MUC3A: variants seen among roughly 807,000 people sequenced by gnomAD.
MUC3A encodes the protein mucin 3A, cell surface associated, also known as mucin-3A.
In MUC3A, 109 loss-of-function variants were observed where a neutral mutation model predicts 109.0. That is an observed-to-expected ratio of 1.00 (90% CI 0.86 to 1.17). MUC3A has a LOEUF of 1.17. Ranked by LOEUF, MUC3A falls within the 50% of genes most tolerant of loss-of-function variation. The pLI is 0.00. For missense variants in MUC3A, 3,537 were observed against 2,469.4 expected, an observed-to-expected ratio of 1.43 and a Z score of -9.16; for synonymous variants, 1,398 against 981.4, an observed-to-expected ratio of 1.42 and a Z score of -7.93.
At chr7:100,962,675 T>C (rs1792368648) in intron 3 of MUC3A, among the ~76,000 whole-genome samples, 1 of 145,272 alleles carries the variant, frequency 6.9e-6, no homozygotes, top group Non-Finnish European at 1.5e-5. Flanking sequence ...CTTTTCTTTT[T>C]TTCTTTCTCT....
rs146817925 is a variant in MUC3A at position 100,966,923 on chromosome 7, C to G, written c.9902C>G (p.Ala3301Gly). 1 of 1,598,326 alleles carries G rather than the reference C, an allele frequency of 6.3e-7. No individual in the cohort carries two copies. Among genetic ancestry groups the G allele is most frequent in the African/African-American group, 1.3e-5 (1 of 74,880 alleles). The change falls in exon 11 of 12, where the codon GCC (alanine) becomes GGC (glycine). Residue 3301 changes from alanine (A) to glycine (G), a missense_variant. Transcript: ENST00000379458. ...GTDKDTNFYV[A>G]LENVDTTMKV... is the part of the protein sequence containing the mutation. ...GACAAGGATACAAATTTCTATGTGG[C>G]CTTGGAGAACGTGGACACCACTATG...
Position 100,955,436 on chromosome 7 carries a change from C to A in MUC3A, c.3657C>A (p.Asp1219Glu). The A allele has an allele frequency of 3.4e-6, 2 of 590,550 alleles. No homozygotes were observed. Among genetic ancestry groups the A allele is most frequent in the Non-Finnish European group, 3.0e-6 (1 of 335,022 alleles). The allele number at this position is 590,550 out of a possible 1,614,324, so 36.6% of individuals were successfully genotyped here. ...GSTGFLTTAT[D>E]LTSTFTVSSS... ...CCGGTTTCCTGACTACAGCAACAGACCTCACATCAACATTCACTGTTTCCA... is the reference window on the plus strand; with the variant it reads ...CCGGTTTCCTGACTACAGCAACAGAACTCACATCAACATTCACTGTTTCCA... The change falls in exon 2 of 12, where the codon GAC (aspartate) becomes GAA (glutamate). Residue 1219 changes from aspartate to glutamate, a missense_variant. Coordinates refer to ENST00000379458, the MANE Select transcript of MUC3A (RefSeq NM_005960.2).
In MUC3A at chr7:100,954,078, A is replaced by G. The variant is rs1042426366; in HGVS notation, c.2299A>G (p.Thr767Ala). Residue 767 changes from threonine (T) to alanine (A), a missense_variant, in exon 2 of 12, where the codon ACC becomes GCC. Transcript: ENST00000379458. ...TPTTNLVTTT[T>A]KTTSHSTTSF... ...TACCACAAACTTGGTAACCACCACC[A>G]CCAAGACCACCTCACATAGTACCAC... is the stretch of plus-strand genomic sequence containing the variant. 10 of 552,412 alleles carry G rather than the reference A, an allele frequency of 1.8e-5. No homozygotes were observed. The highest frequency in any genetic ancestry group is 2.7e-4 in the Middle Eastern group (1 of 3,648). 34.2% of individuals were successfully genotyped at this position (552,412 alleles called of 1,614,324 possible).
In MUC3A at chr7:100,953,804, C is replaced by G; in HGVS notation, c.2025C>G (p.Ser675Arg). Residue 675 changes from serine (S) to arginine (R), a missense_variant, in exon 2 of 12, where the codon AGC becomes AGG. Ser to Arg is a moderately radical substitution (Grantham distance 110, BLOSUM62 -1). Coordinates refer to ENST00000379458, the MANE Select transcript of MUC3A (RefSeq NM_005960.2). The stretch of plus-strand genomic sequence containing the variant: ...CTCTGTCTTCTACACCTGTCCCAAG[C>G]ACAGAAGTAGTCACCAGTGGCACCA... ...SMPLSSTPVP[S>R]TEVVTSGTIN... is the part of the protein sequence containing the mutation. The G allele has an allele frequency of 2.3e-6, 1 of 438,496 alleles. No homozygotes were observed. Among genetic ancestry groups the G allele is most frequent in the Admixed American group, 4.2e-5 (1 of 23,916 alleles). 27.2% of individuals were successfully genotyped at this position (438,496 alleles called of 1,614,324 possible). A position where few individuals can be genotyped will look rare whatever the true frequency, so the allele number is the denominator to read the frequency against.
Position 100,957,383 on chromosome 7 carries a change from TGTGA to T in MUC3A, c.5605_5608del (p.Val1869ProfsTer14). 3 of 653,810 alleles carry T rather than the reference TGTGA, an allele frequency of 4.6e-6. No homozygotes were observed. The highest frequency in any genetic ancestry group is 7.5e-6 in the Non-Finnish European group (3 of 399,152). The allele number at this position is 653,810 out of a possible 1,614,324, so 40.5% of individuals were successfully genotyped here. ...CCAATATGACAGGTACATTGTCCAC[TGTGA>T]CCTCTCTTCGACCCACCTCTTCCTC... On this transcript the variant is annotated frameshift_variant, in exon 2 of 12. Coordinates refer to ENST00000379458, the MANE Select transcript of MUC3A (RefSeq NM_005960.2). LOFTEE classifies it high-confidence loss of function.
chr7:100,966,466 T>C lies in MUC3A; in HGVS notation c.9692T>C (p.Leu3231Pro). The change falls in exon 9 of 12, where the codon CTG becomes CCG. Residue 3231 changes from leucine (L) to proline (P), a missense_variant. Physicochemically the swap from Leu to Pro is moderately conservative, Grantham distance 98. Coordinates refer to ENST00000379458, the MANE Select transcript of MUC3A (RefSeq NM_005960.2). ...CACTGGAGGGCGCTGGTCGGGGGCC[T>C]GACGGCCGGCGCCGCGCTGCTGGTG... Reference protein sequence around the residue: ...AVHWRALVGGLTAGAALLVLL... With the variant: ...AVHWRALVGGPTAGAALLVLL... The C allele has an allele frequency of 7.5e-7, 1 of 1,337,462 alleles. No individual in the cohort carries two copies. Among genetic ancestry groups the C allele is most frequent in the South Asian group, 2.6e-5 (1 of 38,488 alleles). 82.8% of individuals were successfully genotyped at this position (1,337,462 alleles called of 1,614,324 possible). A position where few individuals can be genotyped will look rare whatever the true frequency, so the allele number is the denominator to read the frequency against.
In MUC3A at chr7:100,956,209, C is replaced by G; in HGVS notation, c.4430C>G (p.Thr1477Ser). Residue 1477 changes from threonine to serine, a missense_variant, in exon 2 of 12, where the codon ACT (threonine) becomes AGT (serine). By Grantham distance (58) the Thr-to-Ser change is moderately conservative (BLOSUM62 1). Transcript: ENST00000379458. ...ACAAGCACTGTCACAGAGTCCACAA[C>G]TGAAATCACCTATCCCACCACTATG... ...SPTSTVTESTTEITYPTTMTE... is the reference protein window; with the variant it reads ...SPTSTVTESTSEITYPTTMTE... 2.2e-6 allele frequency: 1 copy of G among 461,778 alleles called. No homozygotes were observed. The highest frequency in any genetic ancestry group is 4.0e-5 in the Admixed American group (1 of 24,910). The allele number at this position is 461,778 out of a possible 1,614,324, so 28.6% of individuals were successfully genotyped here. A position where few individuals can be genotyped will look rare whatever the true frequency, so the allele number is the denominator to read the frequency against.
At chr7:100,964,500 C>T in intron 5 of MUC3A, 195 bp from the exon 6 acceptor site, 1 of 844,558 alleles carries the variant, frequency 1.2e-6, no homozygotes, top group Non-Finnish European at 1.7e-6. Flanking sequence ...GTCAGTCATT[C>T]CTTGTCCTGC....
Position 100,966,709 on chromosome 7 carries a change from T to C in MUC3A, c.9843T>C (p.Thr3281=). The part of the protein sequence containing the change: ...FETWDEEVVG[T]FSNWGFEDDG... Reference sequence around the variant, plus strand: ...CCTGGGATGAGGAAGTCGTGGGCACTTTTTCAAACTGGGGTTTCGAGGACG... The same window carrying C: ...CCTGGGATGAGGAAGTCGTGGGCACCTTTTCAAACTGGGGTTTCGAGGACG... The change falls in exon 10 of 12, where the codon ACT becomes ACC. Residue 3281 remains threonine (T), a synonymous_variant. Coordinates refer to ENST00000379458, the MANE Select transcript of MUC3A (RefSeq NM_005960.2). The C allele has an allele frequency of 3.8e-6, 6 of 1,598,552 alleles. No individual in the cohort carries two copies. Among genetic ancestry groups the C allele is most frequent in the Non-Finnish European group, 5.1e-6 (6 of 1,179,832 alleles).
rs771452355 is a variant in MUC3A at position 100,951,965 on chromosome 7, G to A, written c.186G>A (p.Gln62=). The change falls in exon 2 of 12, where the codon CAG becomes CAA. Residue 62 remains glutamine, a synonymous_variant. Transcript: ENST00000379458. ...DLAGWPLGVP[Q]LASPAPGHRE... ...CTGGGTGGCCACTTGGTGTCCCCCA[G>A]CTCGCCTCTCCTGCTCCTGGCCACA... 5.0e-6 allele frequency: 8 copies of A among 1,598,530 alleles called. No homozygotes were observed. The highest frequency in any genetic ancestry group is 6.8e-6 in the Non-Finnish European group (8 of 1,179,804).
At chr7:100,951,236 T>C (rs1350656123) in intron 1 of MUC3A, among the ~76,000 whole-genome samples, 1 of 152,280 alleles carries the variant, frequency 6.6e-6, no homozygotes, top group East Asian at 1.9e-4. Context: ...CCTCAAGTGA[T>C]CTCCTGCCTT....
chr7:100,962,805 CTCTCTCTCTT>C (rs758358240), intron 3 of MUC3A, among the ~76,000 whole-genome samples: 1 of 20,962 alleles, frequency 4.8e-5, no homozygotes, highest in Non-Finnish European at 1.0e-4. Flanking sequence ...CTTTCTCTCT[CTCTCTCTCTT>C]TCTTTCTTTC....
chr7:100,965,236 C>A, intron 6 of MUC3A, 46 bp from the exon 7 acceptor site: 2 of 2,242 alleles, frequency 8.9e-4, no homozygotes, highest in Non-Finnish European at 1.5e-3. Flanking sequence ...TGACCTTAAC[C>A]CCTTGATCTG....
Position 100,967,794 on chromosome 7 carries a change from C to T in MUC3A, c.*632C>T, listed in dbSNP as rs1197379672. ...CCCAGCCCTAAATCCTCCCTCCTCT[C>T]CTCACATCCTGGTCCCTAGCAAGGT... On this transcript the variant is annotated 3_prime_UTR_variant, in exon 12 of 12. Transcript: ENST00000379458. 6.0e-6 allele frequency: 1 copy of T among 165,624 alleles called. No individual in the cohort carries two copies. The highest frequency in any genetic ancestry group is 1.8e-4 in the East Asian group (1 of 5,656). The allele number at this position is 165,624 out of a possible 1,614,324, so 10.3% of individuals were successfully genotyped here. A position where few individuals can be genotyped will look rare whatever the true frequency, so the allele number is the denominator to read the frequency against.
rs983713551 is a variant in MUC3A, at chr7:100,952,354, C to A, written c.575C>A (p.Thr192Asn). Residue 192 changes from threonine (T) to asparagine (N), a missense_variant, in exon 2 of 12, where the codon ACC (threonine) becomes AAC (asparagine). Transcript: ENST00000379458. ...TCAGCCATGACATCTTCTCCCTCTA[C>A]CACCACTGCAAGGGAAACTCCCATA... The part of the protein sequence containing the change: ...GTSAMTSSPS[T>N]TTARETPIVT... 1 of 1,598,524 alleles carries A rather than the reference C, an allele frequency of 6.3e-7. No individual in the cohort carries two copies. Among genetic ancestry groups the A allele is most frequent in the African/African-American group, 1.3e-5 (1 of 75,076 alleles).
At position 100,955,182 on chromosome 7, in the gene MUC3A, C is replaced by A; in HGVS notation, c.3403C>A (p.Pro1135Thr). Residue 1135 changes from proline to threonine, a missense_variant, in exon 2 of 12, where the codon CCT (proline) becomes ACT (threonine). Transcript: ENST00000379458. ...AACCACAGAAACAGCCACGATGACT[C>A]CTACCACAACCTTGATAACCACCAC... ...LPTTETATMT[P>T]TTTLITTTPN... The A allele has an allele frequency of 1.7e-6, 1 of 585,954 alleles. No individual in the cohort carries two copies. Among genetic ancestry groups the A allele is most frequent in the African/African-American group, 3.3e-5 (1 of 30,210 alleles). 36.3% of individuals were successfully genotyped at this position (585,954 alleles called of 1,614,324 possible).
At chr7:100,964,933 A>C in intron 6 of MUC3A, 90 bp downstream of exon 6, 1 of 1,485,626 alleles carries the variant, frequency 6.7e-7, no homozygotes, top group Non-Finnish European at 8.9e-7. Flanking sequence ...CTCAGGTGCC[A>C]GCCCTGTGGT....
rs1563074634 is a variant in MUC3A, at chr7:100,964,686, A to G, written c.9234-9A>G. 2 of 1,597,496 alleles carry G rather than the reference A, an allele frequency of 1.3e-6. No individual in the cohort carries two copies. Among genetic ancestry groups the G allele is most frequent in the Non-Finnish European group, 1.7e-6 (2 of 1,179,102 alleles). ...GCTGGGGCACTCTCTAAGGCTGTGG[A>G]CCCCTCAGGAATGGCAGCATCGTGG... On this transcript the variant is annotated splice_polypyrimidine_tract_variant and intron_variant, in intron 5 of 11. Transcript: ENST00000379458.
Position 100,952,024 on chromosome 7 carries a change from C to G in MUC3A, c.245C>G (p.Pro82Arg), listed in dbSNP as rs1032161426. 10 of 1,598,554 alleles carry G rather than the reference C, an allele frequency of 6.3e-6. No individual in the cohort carries two copies. In the African/African-American group the frequency reaches 1.1e-4, roughly 17 times the overall value. The stretch of plus-strand genomic sequence containing the variant: ...GCACCTATGACACTCACTACCTCCC[C>G]CCATGACACACTCATCTCTGAAACA... ...ENAPMTLTTS[P>R]HDTLISETLL... Residue 82 changes from proline to arginine, a missense_variant, in exon 2 of 12, where the codon CCC (proline) becomes CGC (arginine). Pro to Arg is a moderately radical substitution (Grantham distance 103). Transcript: ENST00000379458.
Sources: gnomAD v4.1 joint callset for allele counts (sites outside exome capture counted in the v4.1 genomes callset) on GRCh38, gnomAD v4.1.1 for gene constraint, MANE v1.5 for transcripts, NCBI Gene and HGNC (gene_info 2026-07-23, HGNC 2026-07-21) for gene names.